Variants in MRTFB observed in about 807,000 individuals in gnomAD.
MRTFB encodes the protein myocardin related transcription factor B.
MRTFB carries 29 observed loss-of-function variants against 104.2 expected under a neutral mutation model. That is an observed-to-expected ratio of 0.28 (90% CI 0.21 to 0.38). The LOEUF (loss-of-function observed/expected upper bound fraction) is 0.38. MRTFB is among the 10% of genes least tolerant of loss of function. MRTFB has a pLI of 1.00. For synonymous variants in MRTFB, 535 were observed against 519.5 expected (o/e 1.03, Z -0.41); for missense variants, 1,270 against 1,341.6 (o/e 0.95, Z 0.83).
chr16:14,115,763 AATT>A (rs779398644), intron 2 of MRTFB, among the ~76,000 whole-genome samples: 4 of 152,198 alleles, frequency 2.6e-5, no homozygotes, highest in Non-Finnish European at 5.9e-5. Context: ...GCCACAGGTG[AATT>A]ATGAAAAAAC....
the MRTFB span, among the ~76,000 whole-genome samples, chr16:14,040,456 A>G: frequency 5.7e-5 from 8 of 140,536 alleles, no homozygotes; most frequent in East Asian, 2.3e-4. Flanking sequence ...GCTCTATAAT[A>G]TTACTAAATC....
chr16:14,003,948 A>G, the MRTFB span, among the ~76,000 whole-genome samples: 5 of 152,194 alleles, frequency 3.3e-5, no homozygotes, highest in Non-Finnish European at 1.5e-5. Context: ...AATGCAGGAC[A>G]AGCAAAAACC....
intron 2 of MRTFB, among the ~76,000 whole-genome samples, chr16:14,099,078 G>A (rs2035551590): frequency 6.6e-6 from 1 of 152,056 alleles, no homozygotes; most frequent in South Asian, 2.1e-4. Flanking sequence ...ATATCCATTT[G>A]GAGTTTAGAA....
At chr16:14,108,480 A>G (rs1477799123) in intron 2 of MRTFB, among the ~76,000 whole-genome samples, 3 of 152,330 alleles carry the variant, frequency 2.0e-5, no homozygotes, top group South Asian at 2.1e-4. Flanking sequence ...TTTAGAGCCA[A>G]TGGACAACAT....
intron 3 of MRTFB, among the ~76,000 whole-genome samples, chr16:14,165,003 A>C (rs1051825937): frequency 1.3e-4 from 19 of 150,914 alleles, no homozygotes. Context: ...CTTTCTTTTC[A>C]GGTTTCAGAT....
At chr16:14,084,733 G>C (rs1035638017) in intron 2 of MRTFB, among the ~76,000 whole-genome samples, 1 of 152,116 alleles carries the variant, frequency 6.6e-6, no homozygotes, top group African/African-American at 2.4e-5. Flanking sequence ...AATCTCTTCT[G>C]TCTAAAGGAT....
At chr16:14,122,279 A>G (rs2036887819) in intron 2 of MRTFB, among the ~76,000 whole-genome samples, 2 of 151,750 alleles carry the variant, frequency 1.3e-5, no homozygotes, top group African/African-American at 2.4e-5. Flanking sequence ...AGTGGAATTA[A>G]TGTACCAACT....
chr16:14,076,053 ACAAG>A (rs2034026924), intron 1 of MRTFB, among the ~76,000 whole-genome samples: 1 of 152,090 alleles, frequency 6.6e-6, no homozygotes, highest in South Asian at 2.1e-4. Context: ...AGATGCAGAT[ACAAG>A]CAAATACTAA....
chr16:14,257,953 GCTTAA>G (rs2043576430), intron 15 of MRTFB, 143 bp from the exon 16 acceptor site: 1 of 652,980 alleles, frequency 1.5e-6, no homozygotes, highest in African/African-American at 1.8e-5. Flanking sequence ...TGGGTAAATG[GCTTAA>G]CTTCTCAGGT....
rs1285628429 is a variant in MRTFB, at chr16:14,249,049, C to T, written c.2371C>T (p.His791Tyr). Residue 791 changes from histidine to tyrosine, a missense_variant, in exon 13 of 17, where the codon CAT becomes TAT. Physicochemically the swap from His to Tyr is moderately conservative, Grantham distance 83 (BLOSUM62 2). Transcript: ENST00000571589. ...TCAGACACAAGACACGTTCCCGCAGCATGTGCTCAGTCAGCCTCAACAAGT... is the reference window on the plus strand; with the variant it reads ...TCAGACACAAGACACGTTCCCGCAGTATGTGCTCAGTCAGCCTCAACAAGT... ...VPQTQDTFPQHVLSQPQQVRK... is the reference protein window; with the variant it reads ...VPQTQDTFPQYVLSQPQQVRK... The T allele has an allele frequency of 6.2e-7, 1 of 1,614,048 alleles. No individual in the cohort carries two copies. Among genetic ancestry groups the T allele is most frequent in the Non-Finnish European group, 8.5e-7 (1 of 1,180,036 alleles).
the MRTFB span, among the ~76,000 whole-genome samples, chr16:14,059,015 C>T: frequency 3.9e-5 from 6 of 151,994 alleles, no homozygotes; most frequent in African/African-American, 7.2e-5. Context: ...CCACCGCCCC[C>T]GGCCCAAAGT....
intron 8 of MRTFB, among the ~76,000 whole-genome samples, chr16:14,220,310 A>G (rs1324838769): frequency 6.6e-6 from 1 of 152,178 alleles, no homozygotes; most frequent in Non-Finnish European, 1.5e-5. Context: ...ACACTTATCC[A>G]TTTGGGTTGT....
At chr16:14,189,067 T>C (rs76429868) in intron 3 of MRTFB, among the ~76,000 whole-genome samples, 4,739 of 150,812 alleles carry the variant, frequency 0.031, 266 homozygotes, top group African/African-American at 0.11. Context: ...ATTTAATAGA[T>C]TCTACTCATC....
At position 14,264,875 on chromosome 16, in the gene MRTFB, G is replaced by T. The variant is rs1273775312; in HGVS notation, c.*3431G>T. 6.6e-6 allele frequency: 1 copy of T among 152,232 alleles called. No individual in the cohort carries two copies. The highest frequency in any genetic ancestry group is 2.1e-4 in the South Asian group (1 of 4,828). 9.4% of individuals were successfully genotyped at this position (152,232 alleles called of 1,614,324 possible). On this transcript the variant is annotated 3_prime_UTR_variant, in exon 17 of 17. Transcript: ENST00000571589. ...CAGGCTTCCTGGACCCTCAACCCCA[G>T]ATCATTCCAGGCAGCATAGCTTTCT...
At chr16:14,250,844 G>T (rs1245193801) in intron 13 of MRTFB, among the ~76,000 whole-genome samples, 1 of 152,152 alleles carries the variant, frequency 6.6e-6, no homozygotes, top group African/African-American at 2.4e-5. Context: ...TGAACACTGA[G>T]GGAGAAAGCA....
chr16:14,172,574 A>G (rs1382863524), intron 3 of MRTFB, among the ~76,000 whole-genome samples: 1 of 152,144 alleles, frequency 6.6e-6, no homozygotes, highest in Non-Finnish European at 1.5e-5. Flanking sequence ...GTCAAAAGAA[A>G]AATGCATGTG....
At chr16:13,997,636 A>AT in the MRTFB span, among the ~76,000 whole-genome samples, 1 of 151,744 alleles carries the variant, frequency 6.6e-6, no homozygotes, top group East Asian at 1.9e-4. Context: ...TGTACCAAAA[A>AT]AAAAAAAATA....
At chr16:14,164,742 A>G (rs1243975837) in intron 3 of MRTFB, among the ~76,000 whole-genome samples, 2 of 152,146 alleles carry the variant, frequency 1.3e-5, no homozygotes, top group African/African-American at 4.8e-5. Context: ...CAAATAAGGG[A>G]CTAATAGGAA....
chr16:14,069,351 C>CA (rs761521646), upstream of MRTFB, among the ~76,000 whole-genome samples: 9 of 151,882 alleles, frequency 5.9e-5, no homozygotes, highest in Non-Finnish European at 1.3e-4. Context: ...CTGAGAGTTA[C>CA]ACCATCAGAT....
Sources: gnomAD v4.1 joint callset for allele counts (sites outside exome capture counted in the v4.1 genomes callset) on GRCh38, gnomAD v4.1.1 for gene constraint, MANE v1.5 for transcripts, NCBI Gene and HGNC (gene_info 2026-07-23, HGNC 2026-07-21) for gene names.